The following CHODL variants were observed in gnomAD, a reference collection of about 807,000 sequenced individuals.
CHODL encodes transmembrane protein MT75.
Under a neutral mutation model 34.5 loss-of-function variants are expected in CHODL, and 29 were observed. That is an observed-to-expected ratio of 0.84 (90% CI 0.63 to 1.15). CHODL has a LOEUF of 1.15. CHODL is among the 50% of genes most tolerant of loss of function. The pLI is 0.00. For missense variants in CHODL, 332 were observed against 332.5 expected, an observed-to-expected ratio of 1.00 and a Z score of 0.01; for synonymous variants, 125 against 116.1, an observed-to-expected ratio of 1.08 and a Z score of -0.49.
intron 2 of CHODL, among the ~76,000 whole-genome samples, chr21:18,069,835 C>G (rs2064774546): frequency 6.6e-6 from 1 of 151,880 alleles, no homozygotes; most frequent in Admixed American, 6.6e-5. Flanking sequence ...GTCTCAAACT[C>G]CTGGGCTCAA....
intron 1 of CHODL, among the ~76,000 whole-genome samples, chr21:18,251,949 TC>T (rs1349632157): frequency 6.6e-6 from 1 of 151,686 alleles, no homozygotes; most frequent in Admixed American, 6.6e-5. Context: ...TGCTTAAAAA[TC>T]CAGTGCAGAA....
At chr21:18,059,427 G>A (rs1218263087) in intron 2 of CHODL, among the ~76,000 whole-genome samples, 1 of 151,880 alleles carries the variant, frequency 6.6e-6, no homozygotes, top group East Asian at 1.9e-4. Context: ...CCTTTATTCA[G>A]ATGTCAGCTT....
rs547778918 is a variant in CHODL at position 18,138,089 on chromosome 21, T to C, written c.-45+110118T>C. 2.4e-4 allele frequency among the ~76,000 whole-genome samples: 36 copies of C among 152,314 alleles called. 1 individual carries two copies. The South Asian group carries it at 4.3e-3, about 18-fold the overall frequency. ...TTGCCCTTCCTATGAAACAGCATTT[T>C]GTTACACAACTTCATTATTAAAACA... On this transcript the variant is annotated intron_variant, in intron 2 of 6. Coordinates refer to the CHODL transcript ENST00000400127.
rs1238129777 is a variant in CHODL, at chr21:18,245,030, G to C, written c.-194G>C. 13 of 484,364 alleles carry C rather than the reference G, an allele frequency of 2.7e-5. No homozygotes were observed. Among genetic ancestry groups the C allele is most frequent in the Non-Finnish European group, 2.9e-5 (8 of 280,592 alleles). The allele number at this position is 484,364 out of a possible 1,614,324, so 30.0% of individuals were successfully genotyped here. ...TTGAACTCCAGCCCCGCACATCCACGCGCGGCACAGGCGCGGCAGGCGGCA... is the reference window on the plus strand; with the variant it reads ...TTGAACTCCAGCCCCGCACATCCACCCGCGGCACAGGCGCGGCAGGCGGCA... On this transcript the variant is annotated 5_prime_UTR_variant, in exon 1 of 6. Coordinates refer to ENST00000299295, the MANE Select transcript of CHODL (RefSeq NM_024944.3).
chr21:18,091,487 G>A (rs765723190), intron 2 of CHODL, among the ~76,000 whole-genome samples: 1 of 152,190 alleles, frequency 6.6e-6, no homozygotes, highest in African/African-American at 2.4e-5. Flanking sequence ...AGAGCAAAGT[G>A]TATGGAGGAC....
chr21:18,016,879 T>C (rs894216474), intron 1 of CHODL, among the ~76,000 whole-genome samples: 1 of 152,138 alleles, frequency 6.6e-6, no homozygotes, highest in African/African-American at 2.4e-5. Context: ...TCAAAGGAGA[T>C]TATTTTGGAG....
chr21:17,987,398 T>TA (rs1387114827), intron 1 of CHODL, among the ~76,000 whole-genome samples: 2 of 152,174 alleles, frequency 1.3e-5, no homozygotes, highest in African/African-American at 2.4e-5. Context: ...CTGCATTTTC[T>TA]AAAAAATATA....
chr21:18,184,233 C>T (rs1017450947), intron 2 of CHODL, among the ~76,000 whole-genome samples: 21 of 152,106 alleles, frequency 1.4e-4, no homozygotes, highest in African/African-American at 5.1e-4. Context: ...GATATTTCTG[C>T]AGAGGTGACT....
At chr21:18,190,019 C>T (rs1263436857) in intron 2 of CHODL, among the ~76,000 whole-genome samples, 1 of 152,138 alleles carries the variant, frequency 6.6e-6, no homozygotes, top group East Asian at 1.9e-4. Context: ...GGCTGAGCTG[C>T]TCCCATACCA....
chr21:18,041,289 G>A (rs772500874), intron 2 of CHODL, among the ~76,000 whole-genome samples: 1 of 151,884 alleles, frequency 6.6e-6, no homozygotes, highest in African/African-American at 2.4e-5. Context: ...ACCGTGATTG[G>A]CTTTGGGGAC....
At chr21:17,959,355 G>A (rs190918497) in intron 1 of CHODL, among the ~76,000 whole-genome samples, 6 of 152,252 alleles carry the variant, frequency 3.9e-5, no homozygotes, top group Non-Finnish European at 7.4e-5. Flanking sequence ...AATTTCCTCA[G>A]TATTTCTCAA....
At chr21:18,094,910 G>A (rs567924825) in intron 2 of CHODL, among the ~76,000 whole-genome samples, 1 of 152,190 alleles carries the variant, frequency 6.6e-6, no homozygotes, top group Non-Finnish European at 1.5e-5. Flanking sequence ...GATCTCCTGA[G>A]GTTAGGAGTT....
chr21:18,038,708 C>T (rs1299117766), intron 2 of CHODL, among the ~76,000 whole-genome samples: 1 of 151,622 alleles, frequency 6.6e-6, no homozygotes, highest in Non-Finnish European at 1.5e-5. Context: ...ACACATACTT[C>T]AGAGTAGAGG....
At chr21:18,196,822 TG>T in intron 2 of CHODL, among the ~76,000 whole-genome samples, 1 of 151,908 alleles carries the variant, frequency 6.6e-6, no homozygotes, top group Non-Finnish European at 1.5e-5. Flanking sequence ...TTGCTGGGGG[TG>T]GGAGCAATGG....
intron 2 of CHODL, among the ~76,000 whole-genome samples, chr21:18,051,529 G>A (rs1300004126): frequency 1.3e-5 from 2 of 151,620 alleles, no homozygotes; most frequent in Non-Finnish European, 2.9e-5. Context: ...CAGGTTAAGG[G>A]GGCAATGTGA....
intron 2 of CHODL, among the ~76,000 whole-genome samples, chr21:18,043,228 C>T (rs1387086988): frequency 6.6e-6 from 1 of 151,982 alleles, no homozygotes; most frequent in Admixed American, 6.6e-5. Context: ...GCAACCTGTG[C>T]AGTCGCACTG....
rs554983160 is a variant in CHODL at position 17,948,460 on chromosome 21, G to A, written c.-145+31060G>A. On this transcript the variant is annotated intron_variant, in intron 1 of 6. Coordinates refer to the CHODL transcript ENST00000400127. Reference sequence around the variant, plus strand: ...AATAAAGATCAGAGCAGAAATAAATGAAATAGACACTAAAAATCAACAAAA... The same window carrying A: ...AATAAAGATCAGAGCAGAAATAAATAAAATAGACACTAAAAATCAACAAAA... 2.6e-5 allele frequency among the ~76,000 whole-genome samples: 4 copies of A among 151,916 alleles called. No individual in the cohort carries two copies. In the South Asian group the frequency reaches 8.3e-4, roughly 32 times the overall value.
At chr21:18,249,398 A>G (rs1343179893) in intron 1 of CHODL, among the ~76,000 whole-genome samples, 3 of 151,820 alleles carry the variant, frequency 2.0e-5, no homozygotes, top group Non-Finnish European at 2.9e-5. Context: ...TTGGAAAATA[A>G]AAAGACTAGA....
chr21:18,153,466 C>T (rs28407675), intron 2 of CHODL, among the ~76,000 whole-genome samples: 7,747 of 152,158 alleles, frequency 0.051, 518 homozygotes, highest in African/African-American at 0.16. Flanking sequence ...ATATCTTTGA[C>T]CTCCCTTTTT....
Sources: allele counts gnomAD v4.1 joint callset (sites outside exome capture counted in the v4.1 genomes callset), GRCh38; gene constraint gnomAD v4.1.1; transcripts MANE v1.5; gene names NCBI Gene and HGNC (gene_info 2026-07-23, HGNC 2026-07-21).